The following DCPS variants were observed in gnomAD, a reference collection of about 807,000 sequenced individuals.
The protein encoded by DCPS is decapping enzyme, scavenger, also known as m7GpppX diphosphatase.
In DCPS, 27 loss-of-function variants were observed where a neutral mutation model predicts 34.7. The observed-to-expected ratio is 0.78, with a 90% CI of 0.57 to 1.07. The LOEUF is 1.07. Ranked by LOEUF, DCPS falls within the 50% of genes least tolerant of loss-of-function variation. DCPS has a pLI of 0.00. For missense variants in DCPS, 464 were observed against 436.9 expected (o/e 1.06, Z -0.55); for synonymous variants, 185 against 185.7 (o/e 1.00, Z 0.03).
rs548710540 is a variant in DCPS at position 126,346,926 on chromosome 11, T to TA, written c.*1319dup. 1.3e-5 allele frequency among the ~76,000 whole-genome samples: 2 copies of TA among 151,920 alleles called. No homozygotes were observed. Among genetic ancestry groups the TA allele is most frequent in the Non-Finnish European group, 2.9e-5 (2 of 67,974 alleles). The stretch of plus-strand genomic sequence containing the variant: ...CGAACATGGTGAAACCCATCTCTAC[T>TA]AAAAAACAGAAAAATTAGCCAGGTG... On this transcript the variant is annotated 3_prime_UTR_variant, in exon 6 of 6. Transcript: ENST00000263579. The surrounding 1 kb of genome is among the most constrained non-coding windows in gnomAD (Gnocchi z 4.1).
rs1320131898 is a variant in DCPS at position 126,349,494 on chromosome 11, A to G, written c.*3881A>G. On this transcript the variant is annotated 3_prime_UTR_variant, in exon 6 of 6. Coordinates refer to ENST00000263579, the MANE Select transcript of DCPS (RefSeq NM_014026.6). This position sits in a 1 kb window ranked among gnomAD's most constrained non-coding sequence, Gnocchi z 5.4. ...TGTCTCAAACTTTCCTAATAGAGCA[A>G]AATTGCTGAGTGGTCTCTATTTACC... Among the ~76,000 whole-genome samples, 3 of 152,230 alleles carry G rather than the reference A, an allele frequency of 2.0e-5. No individual in the cohort carries two copies. The highest frequency in any genetic ancestry group is 6.5e-5 in the Admixed American group (1 of 15,284).
chr11:126,328,074 G>A lies in DCPS; in HGVS notation c.377-3331G>A, dbSNP rs750680956. 4.6e-5 allele frequency among the ~76,000 whole-genome samples: 7 copies of A among 152,216 alleles called. 1 individual carries two copies. The highest frequency in any genetic ancestry group is 8.8e-5 in the Non-Finnish European group (6 of 68,046). On this transcript the variant is annotated intron_variant, in intron 2 of 5. Transcript: ENST00000263579. This position sits in a 1 kb window ranked among gnomAD's most constrained non-coding sequence, Gnocchi z 6.6. ...GCTCGTTGGGTAGGAGGGTCAGCTC[G>A]GCCGTGGGAGCGGCCAGGGCACGGC...
At chr11:126,340,170 C>T (rs1302573042) in intron 4 of DCPS, among the ~76,000 whole-genome samples, 1 of 152,190 alleles carries the variant, frequency 6.6e-6, no homozygotes, top group Non-Finnish European at 1.5e-5. Context: ...CTTTTTCTGT[C>T]CCCTTTAAGA....
rs1239230961 is a variant in DCPS, at chr11:126,338,711, CA to C, written c.636+313del. 1.3e-5 allele frequency among the ~76,000 whole-genome samples: 2 copies of C among 152,238 alleles called. No individual in the cohort carries two copies. The highest frequency in any genetic ancestry group is 1.3e-4 in the Admixed American group (2 of 15,284). On this transcript the variant is annotated intron_variant, in intron 4 of 5. Coordinates refer to ENST00000263579, the MANE Select transcript of DCPS (RefSeq NM_014026.6). This position sits in a 1 kb window ranked among gnomAD's most constrained non-coding sequence, Gnocchi z 5.4. The stretch of plus-strand genomic sequence containing the variant: ...TGGTCTGGGCAGCCACCTGTGCTTC[CA>C]CCCGCATCTGGAGCCCTCGGGTGGG...
At position 126,315,475 on chromosome 11, in the gene DCPS, G is replaced by C. The variant is rs781479216; in HGVS notation, c.376+8731G>C. Among the ~76,000 whole-genome samples the C allele has an allele frequency of 6.6e-6, 1 of 151,954 alleles. No individual in the cohort carries two copies. The highest frequency in any genetic ancestry group is 1.5e-5 in the Non-Finnish European group (1 of 67,998). ...CTCAGGAGGCTGAAGTTGGAGGATT[G>C]CTTGAGCTCAGGAGGTCAAGGCTGC... On this transcript the variant is annotated intron_variant, in intron 2 of 5. Transcript: ENST00000263579. This position sits in a 1 kb window ranked among gnomAD's most constrained non-coding sequence, Gnocchi z 6.1.
At position 126,344,417 on chromosome 11, in the gene DCPS, A is replaced by G. The variant is rs767133210; in HGVS notation, c.748-930A>G. ...TTTCTCTTGGGGAGATGCCAGGCCA[A>G]CACTTTGACCTGCCCTAGCAGCTCA... On this transcript the variant is annotated intron_variant, in intron 5 of 5. Coordinates refer to ENST00000263579, the MANE Select transcript of DCPS (RefSeq NM_014026.6). The surrounding 1 kb of genome is among the most constrained non-coding windows in gnomAD (Gnocchi z 8.1). 1.1e-4 allele frequency among the ~76,000 whole-genome samples: 17 copies of G among 152,178 alleles called. No individual in the cohort carries two copies. Among genetic ancestry groups the G allele is most frequent in the Non-Finnish European group, 1.9e-4 (13 of 68,024 alleles).
chr11:126,338,084 G>A lies in DCPS; in HGVS notation c.523-202G>A, dbSNP rs757480677. ...CATGGCTGAGTGCCAGCTGGAGTGG[G>A]AAGGGGGAAGTCCCTTCTGGACCCC... On this transcript the variant is annotated intron_variant, in intron 3 of 5. Coordinates refer to ENST00000263579, the MANE Select transcript of DCPS (RefSeq NM_014026.6). This position sits in a 1 kb window ranked among gnomAD's most constrained non-coding sequence, Gnocchi z 5.4. 6.9e-6 allele frequency: 4 copies of A among 582,488 alleles called. No individual in the cohort carries two copies. Among genetic ancestry groups the A allele is most frequent in the South Asian group, 4.0e-5 (2 of 49,798 alleles). The allele number at this position is 582,488 out of a possible 1,614,324, so 36.1% of individuals were successfully genotyped here. A position where few individuals can be genotyped will look rare whatever the true frequency, so the allele number is the denominator to read the frequency against.
chr11:126,309,930 T>C (rs1951607392), intron 2 of DCPS, among the ~76,000 whole-genome samples: 1 of 152,222 alleles, frequency 6.6e-6, no homozygotes, highest in Non-Finnish European at 1.5e-5. Context: ...CTTCTTCTTT[T>C]TCTCAACCCC....
chr11:126,333,898 T>C lies in DCPS; in HGVS notation c.522+2348T>C, dbSNP rs1951810807. Among the ~76,000 whole-genome samples the C allele has an allele frequency of 6.7e-6, 1 of 150,134 alleles. No individual in the cohort carries two copies. Among genetic ancestry groups the C allele is most frequent in the African/African-American group, 2.5e-5 (1 of 40,706 alleles). ...CTCTCTCTCTCTCTCTCTCTGATATTTCTGACAACCATCAGATGTGAGAAC... is the reference window on the plus strand; with the variant it reads ...CTCTCTCTCTCTCTCTCTCTGATATCTCTGACAACCATCAGATGTGAGAAC... On this transcript the variant is annotated intron_variant, in intron 3 of 5. Transcript: ENST00000263579. The surrounding 1 kb of genome is among the most constrained non-coding windows in gnomAD (Gnocchi z 5.7).
Position 126,319,898 on chromosome 11 carries a change from G to A in DCPS, c.377-11507G>A, listed in dbSNP as rs1237852220. Among the ~76,000 whole-genome samples, 1 of 152,096 alleles carries A rather than the reference G, an allele frequency of 6.6e-6. No homozygotes were observed. The highest frequency in any genetic ancestry group is 1.5e-5 in the Non-Finnish European group (1 of 68,026). ...AACATCTCTGGGGCTCAGTTTTAAG[G>A]GGTAGCTTCCTTTTAACGTATTTGT... is the stretch of plus-strand genomic sequence containing the variant. On this transcript the variant is annotated intron_variant, in intron 2 of 5. Coordinates refer to ENST00000263579, the MANE Select transcript of DCPS (RefSeq NM_014026.6). The surrounding 1 kb of genome is among the most constrained non-coding windows in gnomAD (Gnocchi z 4.5).
At chr11:126,326,049 C>G (rs950595957) in intron 2 of DCPS, among the ~76,000 whole-genome samples, 5 of 152,130 alleles carry the variant, frequency 3.3e-5, no homozygotes, top group African/African-American at 1.2e-4. Context: ...ACCCAGGAGG[C>G]GGAGGTTGCA....
intron 2 of DCPS, 48 bp downstream of exon 2, chr11:126,306,792 G>T: frequency 6.4e-7 from 1 of 1,565,440 alleles, no homozygotes; most frequent in Non-Finnish European, 8.7e-7. Context: ...GAATGGGATG[G>T]TGGGAAATTA....
At position 126,348,597 on chromosome 11, in the gene DCPS, C is replaced by T. The variant is rs1260884374; in HGVS notation, c.*2984C>T. ...TGCTCTGCCAAGTCCTGTTGAGACTCCAAAAGCATAGTCTGTCTTTATTAG... is the reference window on the plus strand; with the variant it reads ...TGCTCTGCCAAGTCCTGTTGAGACTTCAAAAGCATAGTCTGTCTTTATTAG... On this transcript the variant is annotated 3_prime_UTR_variant, in exon 6 of 6. Transcript: ENST00000263579. This position sits in a 1 kb window ranked among gnomAD's most constrained non-coding sequence, Gnocchi z 5.3. 2.6e-5 allele frequency among the ~76,000 whole-genome samples: 4 copies of T among 152,236 alleles called. No homozygotes were observed. The highest frequency in any genetic ancestry group is 2.0e-4 in the Admixed American group (3 of 15,288).
Position 126,320,764 on chromosome 11 carries a change from G to A in DCPS, c.377-10641G>A, listed in dbSNP as rs1355753871. ...GCTGCACTCCAGCCTGGGAGACAGA[G>A]CCAGACCCTGTCTCCAGAAAAAAAA... is the stretch of plus-strand genomic sequence containing the variant. On this transcript the variant is annotated intron_variant, in intron 2 of 5. Coordinates refer to ENST00000263579, the MANE Select transcript of DCPS (RefSeq NM_014026.6). The surrounding 1 kb of genome is among the most constrained non-coding windows in gnomAD (Gnocchi z 4.7). Among the ~76,000 whole-genome samples, 3 of 152,108 alleles carry A rather than the reference G, an allele frequency of 2.0e-5. No homozygotes were observed. In the East Asian group the frequency reaches 5.8e-4, roughly 29 times the overall value.
Position 126,327,531 on chromosome 11 carries a change from G to A in DCPS, c.377-3874G>A, listed in dbSNP as rs967134212. On this transcript the variant is annotated intron_variant, in intron 2 of 5. Transcript: ENST00000263579. The surrounding 1 kb of genome is among the most constrained non-coding windows in gnomAD (Gnocchi z 4.1). ...GTGCCTGTGTATCGTGTTTCCCAAC[G>A]TGTTTTCACCTGATGGTTTGATTGT... Among the ~76,000 whole-genome samples the A allele has an allele frequency of 6.6e-6, 1 of 152,200 alleles. No homozygotes were observed. Among genetic ancestry groups the A allele is most frequent in the African/African-American group, 2.4e-5 (1 of 41,438 alleles).
At chr11:126,314,928 A>G (rs1470043615) in intron 2 of DCPS, among the ~76,000 whole-genome samples, 1 of 152,150 alleles carries the variant, frequency 6.6e-6, no homozygotes, top group Non-Finnish European at 1.5e-5. Context: ...AATCACCACT[A>G]AAGAACTTAT....
rs1235062359 is a variant in DCPS at position 126,347,122 on chromosome 11, G to A, written c.*1509G>A. The stretch of plus-strand genomic sequence containing the variant: ...AATAGAAACAGCCGGGGAGTGGAGG[G>A]TGTGGTCAGAAAGCCTCAGGGACCT... On this transcript the variant is annotated 3_prime_UTR_variant, in exon 6 of 6. Coordinates refer to ENST00000263579, the MANE Select transcript of DCPS (RefSeq NM_014026.6). This position sits in a 1 kb window ranked among gnomAD's most constrained non-coding sequence, Gnocchi z 4.2. Among the ~76,000 whole-genome samples, 1 of 151,838 alleles carries A rather than the reference G, an allele frequency of 6.6e-6. No individual in the cohort carries two copies. The highest frequency in any genetic ancestry group is 1.5e-5 in the Non-Finnish European group (1 of 67,994).
At chr11:126,306,196 A>G (rs545547356) in intron 1 of DCPS, among the ~76,000 whole-genome samples, 1 of 152,162 alleles carries the variant, frequency 6.6e-6, no homozygotes, top group East Asian at 1.9e-4. Flanking sequence ...AACATGGTGA[A>G]ACCCCATCTC....
Position 126,306,564 on chromosome 11 carries a change from C to T in DCPS, c.202-6C>T, listed in dbSNP as rs1951567885. The T allele has an allele frequency of 1.2e-6, 2 of 1,600,214 alleles. No individual in the cohort carries two copies. Among genetic ancestry groups the T allele is most frequent in the Non-Finnish European group, 1.7e-6 (2 of 1,170,142 alleles). On this transcript the variant is annotated splice_polypyrimidine_tract_variant and splice_region_variant and intron_variant, in intron 1 of 5. Coordinates refer to ENST00000263579, the MANE Select transcript of DCPS (RefSeq NM_014026.6). ...TTGAGCCCACTGATGATGCCTCTGC[C>T]CACAGGTGAATGAGGCCTCTGGGGA...
Sources: gnomAD v4.1 joint callset for allele counts (sites outside exome capture counted in the v4.1 genomes callset) on GRCh38, gnomAD v4.1.1 for gene constraint, Gnocchi (gnomAD v3.1) non-coding constraint, MANE v1.5 for transcripts, NCBI Gene and HGNC (gene_info 2026-07-23, HGNC 2026-07-21) for gene names.